GALNT11: variants seen among roughly 807,000 people sequenced by gnomAD.
The protein encoded by GALNT11 is UDP-GalNAc:polypeptide N-acetylgalactosaminyltransferase 11.
GALNT11 carries 47 observed loss-of-function variants against 72.7 expected under a neutral mutation model. The ratio of observed to expected loss-of-function variants is 0.65; its 90% CI spans 0.51 to 0.82. GALNT11 has a LOEUF of 0.82. GALNT11 is among the 40% of genes least tolerant of loss of function. The pLI, the probability that GALNT11 is intolerant of heterozygous loss-of-function variation, is 0.00. For missense variants in GALNT11, 677 were observed against 778.4 expected (o/e 0.87, Z 1.55); for synonymous variants, 270 against 286.6 (o/e 0.94, Z 0.58).
intron 9 of GALNT11, chr7:152,117,692 G>C: frequency 3.2e-6 from 1 of 315,754 alleles, no homozygotes; most frequent in Non-Finnish European, 5.8e-6. Context: ...TCAGAGGCCA[G>C]GCCAACAAGT....
chr7:152,110,482 G>C (rs747709894), intron 6 of GALNT11, 46 bp from the exon 7 acceptor site: 2 of 1,374,600 alleles, frequency 1.5e-6, no homozygotes, highest in African/African-American at 1.4e-5. Flanking sequence ...TAGTAGGTAA[G>C]ATAACTGACT....
chr7:152,095,344 G>A (rs977680426), intron 2 of GALNT11, among the ~76,000 whole-genome samples: 4 of 151,982 alleles, frequency 2.6e-5, no homozygotes, highest in African/African-American at 9.7e-5. Flanking sequence ...AAAGAACTTG[G>A]ATCTTGTCAC....
intron 1 of GALNT11, among the ~76,000 whole-genome samples, chr7:152,063,446 TTG>T (rs2084129006): frequency 6.6e-6 from 1 of 152,236 alleles, no homozygotes; most frequent in African/African-American, 2.4e-5. Flanking sequence ...GAAGGGTTTT[TTG>T]TGTCTCTATC....
At chr7:152,058,937 C>T (rs1390714163) in intron 1 of GALNT11, among the ~76,000 whole-genome samples, 1 of 152,166 alleles carries the variant, frequency 6.6e-6, no homozygotes, top group African/African-American at 2.4e-5. Context: ...GCTATTTCCA[C>T]CCTATCTGCA....
At chr7:152,062,292 T>C (rs1415700953) in intron 1 of GALNT11, among the ~76,000 whole-genome samples, 1 of 152,202 alleles carries the variant, frequency 6.6e-6, no homozygotes, top group Admixed American at 6.5e-5. Context: ...ATAAGGATCC[T>C]TGTGATTTTT....
rs2081980390 is a variant in GALNT11 at position 152,025,875 on chromosome 7, G to GGGCAAGGCGGTGAGTACC, written c.-47_-39+9dup. Reference sequence around the variant, plus strand: ...CCAGAAGGCGGCGATCCTGGGCTGCGGGCAAGGCGGTGAGTACCCTCTAGG... The same window carrying GGGCAAGGCGGTGAGTACC: ...CCAGAAGGCGGCGATCCTGGGCTGCGGGCAAGGCGGTGAGTACCGGCAAGGCGGTGAGTACCCTCTAGG... On this transcript the variant is annotated 5_prime_UTR_variant, in exon 1 of 12. Coordinates refer to ENST00000430044, the MANE Select transcript of GALNT11 (RefSeq NM_022087.4). The GGGCAAGGCGGTGAGTACC allele has an allele frequency of 3.6e-6, 1 of 281,440 alleles. No homozygotes were observed. The highest frequency in any genetic ancestry group is 7.7e-6 in the Non-Finnish European group (1 of 130,534). 17.4% of individuals were successfully genotyped at this position (281,440 alleles called of 1,614,324 possible). A position where few individuals can be genotyped will look rare whatever the true frequency, so the allele number is the denominator to read the frequency against.
intron 3 of GALNT11, among the ~76,000 whole-genome samples, chr7:152,102,871 C>T (rs1226197496): frequency 6.6e-6 from 1 of 151,642 alleles, no homozygotes; most frequent in Non-Finnish European, 1.5e-5. Context: ...ATCCCAGCTC[C>T]TCGGGAGGCT....
chr7:152,069,437 T>C (rs1431909276), intron 1 of GALNT11, among the ~76,000 whole-genome samples: 1 of 152,244 alleles, frequency 6.6e-6, no homozygotes, highest in Non-Finnish European at 1.5e-5. Flanking sequence ...ATCAGGTTGA[T>C]TGATAGTGCT....
chr7:152,110,902 G>A (rs10269656), intron 7 of GALNT11, among the ~76,000 whole-genome samples: 3,046 of 151,692 alleles, frequency 0.02, 107 homozygotes, highest in African/African-American at 0.071. Flanking sequence ...TCTATTTTTT[G>A]TAGAGATGGG....
intron 1 of GALNT11, chr7:152,093,825 T>C (rs1395147954): frequency 6.3e-6 from 1 of 158,744 alleles, no homozygotes; most frequent in Non-Finnish European, 1.4e-5. Context: ...GAGACTTTAG[T>C]TGTCCTGTTA....
At chr7:152,050,790 T>C (rs959751284) in intron 1 of GALNT11, among the ~76,000 whole-genome samples, 44 of 152,234 alleles carry the variant, frequency 2.9e-4, no homozygotes, top group Admixed American at 2.0e-4. Flanking sequence ...TTGCTGGAAC[T>C]TGAGTTTCCA....
In GALNT11 at chr7:152,047,688, G is replaced by A. The variant is rs573045734; in HGVS notation, c.-39+21804G>A. On this transcript the variant is annotated intron_variant, in intron 1 of 11. Coordinates refer to ENST00000430044, the MANE Select transcript of GALNT11 (RefSeq NM_022087.4). ...CTCTAGCCTGGTCAACAGTGACACCGTGTGTGTGTGTGTGTGTGTGTGCGC... is the reference window on the plus strand; with the variant it reads ...CTCTAGCCTGGTCAACAGTGACACCATGTGTGTGTGTGTGTGTGTGTGCGC... 4.0e-3 allele frequency among the ~76,000 whole-genome samples: 492 copies of A among 124,334 alleles called. 2 individuals carry two copies. The highest frequency in any genetic ancestry group is 0.022 in the African/African-American group (472 of 21,474). 81.6% of individuals were successfully genotyped at this position (124,334 alleles called of 152,430 possible). A position where few individuals can be genotyped will look rare whatever the true frequency, so the allele number is the denominator to read the frequency against.
intron 3 of GALNT11, 127 bp from the exon 4 acceptor site, chr7:152,102,981 CAAAA>C (rs11358024): frequency 4.3e-4 from 258 of 605,180 alleles, no homozygotes; most frequent in South Asian, 8.2e-4. Context: ...GACTCCGTCT[CAAAA>C]AAAAAAAAAA....
Position 152,108,267 on chromosome 7 carries a change from G to A in GALNT11, c.942G>A (p.Glu314=), listed in dbSNP as rs1351149925. The part of the protein sequence containing the change: ...LVPLSELGRA[E]GATAPIKSPT... Reference sequence around the variant, plus strand: ...CCCTTTCTGAGCTAGGACGAGCGGAGGGAGCCACTGCACCAATAAAGTAAG... The same window carrying A: ...CCCTTTCTGAGCTAGGACGAGCGGAAGGAGCCACTGCACCAATAAAGTAAG... The change falls in exon 6 of 12, where the codon GAG becomes GAA. Residue 314 remains glutamate (E), a synonymous_variant. Coordinates refer to ENST00000430044, the MANE Select transcript of GALNT11 (RefSeq NM_022087.4). 4.3e-6 allele frequency: 7 copies of A among 1,612,212 alleles called. No homozygotes were observed. Among genetic ancestry groups the A allele is most frequent in the Non-Finnish European group, 5.9e-6 (7 of 1,178,338 alleles).
intron 1 of GALNT11, among the ~76,000 whole-genome samples, chr7:152,056,911 C>G (rs1167563565): frequency 6.6e-6 from 1 of 151,386 alleles, no homozygotes; most frequent in East Asian, 2.0e-4. Context: ...TCACTTGGCT[C>G]ACTGCAGCCT....
intron 1 of GALNT11, among the ~76,000 whole-genome samples, chr7:152,058,009 T>A (rs559187000): frequency 6.6e-6 from 1 of 152,250 alleles, no homozygotes; most frequent in African/African-American, 2.4e-5. Flanking sequence ...AATACAGGCA[T>A]ATGCTGGTGA....
chr7:152,102,213 T>G (rs2086992655), intron 3 of GALNT11, among the ~76,000 whole-genome samples: 1 of 152,048 alleles, frequency 6.6e-6, no homozygotes, highest in Non-Finnish European at 1.5e-5. Flanking sequence ...TTATGTACCC[T>G]CTCTTCCAAA....
chr7:152,071,224 G>A (rs942713092), intron 1 of GALNT11, among the ~76,000 whole-genome samples: 3 of 152,182 alleles, frequency 2.0e-5, no homozygotes, highest in Non-Finnish European at 4.4e-5. Flanking sequence ...GCCTGGGAGC[G>A]CTATGGGAGA....
chr7:152,057,387 A>T (rs895426703), intron 1 of GALNT11, among the ~76,000 whole-genome samples: 2 of 150,968 alleles, frequency 1.3e-5, no homozygotes, highest in Non-Finnish European at 3.0e-5. Context: ...GTTTACTGCA[A>T]CCTCTGCCTC....
Sources: gnomAD v4.1 joint callset for allele counts (sites outside exome capture counted in the v4.1 genomes callset) on GRCh38, gnomAD v4.1.1 for gene constraint, MANE v1.5 for transcripts, NCBI Gene and HGNC (gene_info 2026-07-23, HGNC 2026-07-21) for gene names.